The following WIPF2 variants were observed in gnomAD, a reference collection of about 807,000 sequenced individuals.
WIPF2 encodes WAS/WASL interacting protein family member 2, also known as WAS/WASL-interacting protein family member 2.
A neutral mutation model predicts 38.8 loss-of-function variants in WIPF2; 23 were observed. The observed-to-expected ratio is 0.59, with a 90% CI of 0.43 to 0.84. WIPF2 has a LOEUF of 0.84. Ranked by LOEUF, WIPF2 falls within the 40% of genes least tolerant of loss-of-function variation. The probability of loss-of-function intolerance (pLI) is 0.00; values close to 1 mark genes in which losing one functional copy is unlikely to be tolerated. For synonymous variants in WIPF2, 210 were observed against 223.2 expected, an observed-to-expected ratio of 0.94 and a Z score of 0.53; for missense variants, 574 against 580.5, an observed-to-expected ratio of 0.99 and a Z score of 0.11.
intron 5 of WIPF2, among the ~76,000 whole-genome samples, chr17:40,273,079 G>C (rs1168662496): frequency 1.3e-5 from 2 of 152,142 alleles, no homozygotes; most frequent in African/African-American, 4.8e-5. Flanking sequence ...TGTTGCCCAG[G>C]CTGGAGTGCA....
intron 4 of WIPF2, among the ~76,000 whole-genome samples, 164 bp from the exon 5 acceptor site, chr17:40,264,326 C>CA (rs772320240): frequency 0.23 from 5,390 of 23,700 alleles, 1,018 homozygotes; most frequent in African/African-American, 0.39. Flanking sequence ...AACTTCGTCT[C>CA]AAAAAAAAAA....
intron 1 of WIPF2, among the ~76,000 whole-genome samples, chr17:40,226,114 A>G (rs2030470490): frequency 6.6e-6 from 1 of 151,210 alleles, no homozygotes; most frequent in African/African-American, 2.4e-5. Flanking sequence ...GAATCGAATA[A>G]TCTTTTTTTT....
chr17:40,239,233 G>A (rs1381187364), intron 1 of WIPF2, among the ~76,000 whole-genome samples: 5 of 151,418 alleles, frequency 3.3e-5, no homozygotes, highest in Admixed American at 1.3e-4. Flanking sequence ...CACCACGCCC[G>A]GCTAATTTTT....
At position 40,265,111 on chromosome 17, in the gene WIPF2, C is replaced by A. The variant is rs748010724; in HGVS notation, c.935C>A (p.Pro312His). 6.2e-7 allele frequency: 1 copy of A among 1,612,876 alleles called. No individual in the cohort carries two copies. Among genetic ancestry groups the A allele is most frequent in the African/African-American group, 1.3e-5 (1 of 75,046 alleles). The change falls in exon 5 of 8, where the codon CCT (proline) becomes CAT (histidine). Residue 312 changes from proline (P) to histidine (H), a missense_variant. Coordinates refer to ENST00000323571, the MANE Select transcript of WIPF2 (RefSeq NM_133264.5). ...ASPSLLSNRP[P>H]PPARDPPSRG... is the part of the protein sequence containing the mutation. ...CCATCTTTACTGAGTAATAGGCCAC[C>A]TCCCCCAGCCCGAGACCCTCCCAGT... is the stretch of plus-strand genomic sequence containing the variant.
At position 40,258,816 on chromosome 17, in the gene WIPF2, G is replaced by T. The variant is rs1293206548; in HGVS notation, c.64-1719G>T. Among the ~76,000 whole-genome samples, 6 of 151,508 alleles carry T rather than the reference G, an allele frequency of 4.0e-5. No individual in the cohort carries two copies. The East Asian group carries it at 7.9e-4, about 20-fold the overall frequency. On this transcript the variant is annotated intron_variant, in intron 2 of 7. Coordinates refer to ENST00000323571, the MANE Select transcript of WIPF2 (RefSeq NM_133264.5). ...AATTAATGAGACAGAGTCTCACTCT[G>T]TTACCCAGGCTGGAGTGCAGTGGTT...
At chr17:40,229,420 CATTT>C (rs1179061702) in intron 1 of WIPF2, among the ~76,000 whole-genome samples, 9 of 148,208 alleles carry the variant, frequency 6.1e-5, no homozygotes, top group Admixed American at 4.7e-4. Context: ...GACATTTATT[CATTT>C]ATTTATTTAT....
At chr17:40,228,956 G>GT (rs2030621468) in intron 1 of WIPF2, among the ~76,000 whole-genome samples, 4 of 151,204 alleles carry the variant, frequency 2.6e-5, no homozygotes, top group African/African-American at 9.7e-5. Flanking sequence ...TTTTAGACAA[G>GT]GTTTCATTCC....
chr17:40,223,928 T>C (rs974541456), intron 1 of WIPF2, among the ~76,000 whole-genome samples: 2 of 151,928 alleles, frequency 1.3e-5, no homozygotes, highest in Non-Finnish European at 2.9e-5. Context: ...TGTTCTCTGA[T>C]TGGGAGAGTA....
At chr17:40,237,803 G>A (rs1191837275) in intron 1 of WIPF2, among the ~76,000 whole-genome samples, 3 of 140,896 alleles carry the variant, frequency 2.1e-5, no homozygotes, top group Admixed American at 7.3e-5. Flanking sequence ...ACACCACCAC[G>A]CCCAGCTAAT....
intron 1 of WIPF2, among the ~76,000 whole-genome samples, chr17:40,222,353 A>G (rs879462272): frequency 4.0e-5 from 6 of 150,942 alleles, no homozygotes; most frequent in Non-Finnish European, 7.4e-5. Context: ...CGCCTGGCCG[A>G]CCTGTCTCTT....
chr17:40,269,470 C>T (rs2032184100), intron 5 of WIPF2, among the ~76,000 whole-genome samples: 1 of 151,594 alleles, frequency 6.6e-6, no homozygotes, highest in Admixed American at 6.6e-5. Flanking sequence ...GAGATCACGC[C>T]ACTGCACTCC....
At chr17:40,250,132 G>A (rs924006396) in intron 1 of WIPF2, among the ~76,000 whole-genome samples, 33 of 149,912 alleles carry the variant, frequency 2.2e-4, no homozygotes, top group Non-Finnish European at 3.3e-4. Flanking sequence ...CTGCTGGACC[G>A]GACATCAGGA....
intron 1 of WIPF2, among the ~76,000 whole-genome samples, chr17:40,220,924 C>T (rs2030207207): frequency 6.6e-6 from 1 of 151,576 alleles, no homozygotes; most frequent in Admixed American, 6.6e-5. Context: ...TATAGGTGCC[C>T]ACCACCACAC....
At position 40,256,113 on chromosome 17, in the gene WIPF2, AAAAAAAGG is replaced by A. The variant is rs1166782316; in HGVS notation, c.-69-276_-69-269del. Among the ~76,000 whole-genome samples, 66 of 151,410 alleles carry A rather than the reference AAAAAAAGG, an allele frequency of 4.4e-4. 1 individual carries two copies. The highest frequency in any genetic ancestry group is 3.9e-4 in the East Asian group (2 of 5,170). ...AGGGTCTTTAAAAAAAAAAAAAAAA[AAAAAAAGG>A]ACACAAGGCCTAAATAGACACCTTA... On this transcript the variant is annotated intron_variant, in intron 1 of 7. Transcript: ENST00000323571.
intron 3 of WIPF2, among the ~76,000 whole-genome samples, chr17:40,262,269 A>C (rs559505147): frequency 4.4e-4 from 67 of 151,574 alleles, no homozygotes; most frequent in African/African-American, 1.6e-3. Context: ...TTTTTTGTAG[A>C]GTCAGGTCCT....
intron 2 of WIPF2, 23 bp downstream of exon 2, chr17:40,256,545 T>C: frequency 1.9e-6 from 3 of 1,593,436 alleles, no homozygotes; most frequent in Non-Finnish European, 2.6e-6. Context: ...TCCATTAGGC[T>C]ATCTCAAAAC....
At chr17:40,253,452 G>A (rs1458793411) in intron 1 of WIPF2, among the ~76,000 whole-genome samples, 3 of 152,186 alleles carry the variant, frequency 2.0e-5, no homozygotes, top group Non-Finnish European at 4.4e-5. Flanking sequence ...GGGATGCAAA[G>A]AAAAGAAAGG....
At chr17:40,253,430 C>T (rs796843374) in intron 1 of WIPF2, among the ~76,000 whole-genome samples, 52 of 152,316 alleles carry the variant, frequency 3.4e-4, no homozygotes, top group African/African-American at 1.2e-3. Flanking sequence ...GGAATGGTCA[C>T]AGTAAACCCA....
intron 1 of WIPF2, among the ~76,000 whole-genome samples, chr17:40,250,665 G>T (rs988695122): frequency 1.3e-5 from 2 of 151,906 alleles, no homozygotes; most frequent in African/African-American, 4.8e-5. Flanking sequence ...GAGCACAGAT[G>T]GTGAGGTTTG....
Sources: allele counts gnomAD v4.1 joint callset (sites outside exome capture counted in the v4.1 genomes callset), GRCh38; gene constraint gnomAD v4.1.1; transcripts MANE v1.5; gene names NCBI Gene and HGNC (gene_info 2026-07-23, HGNC 2026-07-21).